CBFA2T2: variants seen among roughly 807,000 people sequenced by gnomAD.
CBFA2T2 encodes protein CBFA2T2.
Under a neutral mutation model 62.2 loss-of-function variants are expected in CBFA2T2, and 11 were observed. The observed-to-expected ratio is 0.18, with a 90% CI of 0.11 to 0.29. CBFA2T2 has a LOEUF of 0.29. CBFA2T2 is among the 10% of genes least tolerant of loss of function. The pLI is 1.00. For synonymous variants in CBFA2T2, 295 were observed against 287.5 expected (o/e 1.03, Z -0.27); for missense variants, 592 against 774.1 (o/e 0.76, Z 2.79).
At position 33,624,757 on chromosome 20, in the gene CBFA2T2, T is replaced by C; in HGVS notation, c.693-7T>C. The C allele has an allele frequency of 6.2e-7, 1 of 1,613,832 alleles. No homozygotes were observed. Among genetic ancestry groups the C allele is most frequent in the Non-Finnish European group, 8.5e-7 (1 of 1,179,814 alleles). On this transcript the variant is annotated splice_region_variant and splice_polypyrimidine_tract_variant and intron_variant, in intron 5 of 10. Transcript: ENST00000342704. Reference sequence around the variant, plus strand: ...GGATCAGATACGCACTTCTGCTTCTTCTACAGGAGAGAAGAGAATAGTTTT... The same window carrying C: ...GGATCAGATACGCACTTCTGCTTCTCCTACAGGAGAGAAGAGAATAGTTTT...
intron 3 of CBFA2T2, among the ~76,000 whole-genome samples, chr20:33,616,078 GAGATAGATAGATAGATAGATAGAT>G (rs3054967): frequency 9.1e-5 from 13 of 143,298 alleles, no homozygotes; most frequent in Admixed American, 1.4e-4. Flanking sequence ...TCTGTAGATA[GAGATAGATAGATAGATAGATAGAT>G]AGATAGATAG....
intron 4 of CBFA2T2, 65 bp downstream of exon 4, chr20:33,619,671 T>G (rs1231507441): frequency 5.0e-6 from 6 of 1,210,618 alleles, no homozygotes; most frequent in Non-Finnish European, 7.1e-6. Context: ...TAATCCCTGT[T>G]ACGTGATTTA....
intron 1 of CBFA2T2, among the ~76,000 whole-genome samples, chr20:33,498,775 G>A (rs1317620264): frequency 6.6e-6 from 1 of 151,814 alleles, no homozygotes; most frequent in African/African-American, 2.4e-5. Context: ...AGGCACAGTG[G>A]CTCATACCTG....
chr20:33,513,048 G>A (rs1487532413), intron 1 of CBFA2T2, among the ~76,000 whole-genome samples: 4 of 152,022 alleles, frequency 2.6e-5, no homozygotes, highest in African/African-American at 4.8e-5. Context: ...CACCGCACCC[G>A]GCCACGTATG....
rs1568810922 is a variant in CBFA2T2, at chr20:33,544,995, T to TAGAACAGAACAGAACAGAAC, written c.34+54698_34+54699insCAGAACAGAACAGAACAGAA. Reference sequence around the variant, plus strand: ...TAGAATAGAATAGAATAGAATAGAATAGAATAGAATAGAATAGAACAGAAC... The same window carrying TAGAACAGAACAGAACAGAAC: ...TAGAATAGAATAGAATAGAATAGAATAGAACAGAACAGAACAGAACAGAATAGAATAGAATAGAACAGAAC... On this transcript the variant is annotated intron_variant, in intron 1 of 10. Transcript: ENST00000342704. Among the ~76,000 whole-genome samples, 490 of 128,568 alleles carry TAGAACAGAACAGAACAGAAC rather than the reference T, an allele frequency of 3.8e-3. 8 individuals are homozygous for TAGAACAGAACAGAACAGAAC. The highest frequency in any genetic ancestry group is 0.019 in the Admixed American group (203 of 10,740). The allele number at this position is 128,568 out of a possible 152,430, so 84.3% of individuals were successfully genotyped here.
At chr20:33,494,356 A>G (rs1294797754) in intron 1 of CBFA2T2, among the ~76,000 whole-genome samples, 1 of 119,208 alleles carries the variant, frequency 8.4e-6, no homozygotes, top group African/African-American at 3.3e-5. Context: ...ATCTCAGCTC[A>G]CTGCAAGCTC....
chr20:33,536,101 C>T (rs2012215708), intron 1 of CBFA2T2, among the ~76,000 whole-genome samples: 1 of 152,258 alleles, frequency 6.6e-6, no homozygotes, highest in Non-Finnish European at 1.5e-5. Context: ...CATCCGATTT[C>T]CCAATCTTTT....
intron 6 of CBFA2T2, among the ~76,000 whole-genome samples, chr20:33,625,671 A>G (rs1196864120): frequency 4.6e-5 from 7 of 152,220 alleles, no homozygotes; most frequent in Non-Finnish European, 1.0e-4. Context: ...AATTAGGCCA[A>G]GCTCAGTGGC....
intron 1 of CBFA2T2, among the ~76,000 whole-genome samples, chr20:33,573,634 A>C (rs56300310): frequency 0.14 from 21,609 of 151,980 alleles, 2,005 homozygotes; most frequent in East Asian, 0.4. Context: ...GGCGTGCACT[A>C]CCATGCCTGG....
At chr20:33,621,528 C>T (rs1018962638) in intron 4 of CBFA2T2, among the ~76,000 whole-genome samples, 18 of 151,990 alleles carry the variant, frequency 1.2e-4, no homozygotes, top group African/African-American at 3.9e-4. Flanking sequence ...GTCTCAAACT[C>T]CTGACCTTGT....
intron 5 of CBFA2T2, among the ~76,000 whole-genome samples, chr20:33,624,236 T>TAAAAAAAA (rs373462820): frequency 6.7e-4 from 47 of 69,854 alleles, no homozygotes; most frequent in African/African-American, 1.3e-3. Flanking sequence ...TTTTTAAAAG[T>TAAAAAAAA]AAAAAAAAAA....
intron 7 of CBFA2T2, 42 bp from the exon 8 acceptor site, chr20:33,629,677 A>G (rs751794575): frequency 6.4e-7 from 1 of 1,553,922 alleles, no homozygotes; most frequent in South Asian, 1.2e-5. Flanking sequence ...GGTTGTTTGA[A>G]TGTTCTTATC....
chr20:33,564,446 C>T (rs188269938), intron 1 of CBFA2T2, among the ~76,000 whole-genome samples: 116 of 151,692 alleles, frequency 7.6e-4, no homozygotes, highest in African/African-American at 2.2e-3. Context: ...TTAGTAGAGA[C>T]GGGTTTTACC....
chr20:33,610,970 A>AT lies in CBFA2T2; in HGVS notation c.179-123dup. ...TCACTGAGGACAGAACCAGTTTTGC[A>AT]TACCTTTATAACATGTGCTTTACAA... On this transcript the variant is annotated intron_variant, in intron 2 of 10. Coordinates refer to ENST00000342704, the MANE Select transcript of CBFA2T2 (RefSeq NM_001032999.3). The AT allele has an allele frequency of 2.5e-6, 3 of 1,196,622 alleles. No homozygotes were observed. The Admixed American group carries it at 6.0e-5, about 24-fold the overall frequency. 74.1% of individuals were successfully genotyped at this position (1,196,622 alleles called of 1,614,324 possible).
chr20:33,563,740 A>C (rs1282841419), intron 1 of CBFA2T2, among the ~76,000 whole-genome samples: 1 of 152,070 alleles, frequency 6.6e-6, no homozygotes, highest in East Asian at 1.9e-4. Context: ...GAAAGCATAC[A>C]AGTTGGTTTC....
At chr20:33,551,425 A>G (rs2012738836) in intron 1 of CBFA2T2, among the ~76,000 whole-genome samples, 1 of 152,066 alleles carries the variant, frequency 6.6e-6, no homozygotes, top group Non-Finnish European at 1.5e-5. Flanking sequence ...CATGTTAGTC[A>G]GGCTGGTCTC....
intron 1 of CBFA2T2, among the ~76,000 whole-genome samples, chr20:33,577,779 G>A (rs1402613278): frequency 6.6e-6 from 1 of 152,104 alleles, no homozygotes; most frequent in Non-Finnish European, 1.5e-5. Flanking sequence ...TGACTTCTCT[G>A]AGCCTTAGCT....
At chr20:33,595,789 C>T (rs2014860338) in intron 1 of CBFA2T2, among the ~76,000 whole-genome samples, 1 of 152,112 alleles carries the variant, frequency 6.6e-6, no homozygotes, top group African/African-American at 2.4e-5. Flanking sequence ...ATCCACCTGC[C>T]TCAGCCTCCC....
At chr20:33,643,825 ATG>A (rs58366038) in intron 10 of CBFA2T2, among the ~76,000 whole-genome samples, 18,435 of 73,292 alleles carry the variant, frequency 0.25, 2,628 homozygotes, top group East Asian at 0.53. Context: ...ATAGTATATA[ATG>A]TGTGTGTGTG....
Sources: gnomAD v4.1 joint callset for allele counts (sites outside exome capture counted in the v4.1 genomes callset) on GRCh38, gnomAD v4.1.1 for gene constraint, MANE v1.5 for transcripts, NCBI Gene and HGNC (gene_info 2026-07-23, HGNC 2026-07-21) for gene names.